KDM2A: variants seen among roughly 807,000 people sequenced by gnomAD.
KDM2A encodes lysine-specific demethylase 2A.
A neutral mutation model predicts 137.3 loss-of-function variants in KDM2A; 3 were observed. The observed-to-expected ratio is 0.02, with a 90% confidence interval of 0.01 to 0.06. The LOEUF (loss-of-function observed/expected upper bound fraction) is 0.06. KDM2A is among the 10% of genes least tolerant of loss of function. The pLI is 1.00. For synonymous variants in KDM2A, 512 were observed against 541.5 expected, an observed-to-expected ratio of 0.95 and a Z score of 0.76; for missense variants, 738 against 1,510.6, an observed-to-expected ratio of 0.49 and a Z score of 8.48.
intron 5 of KDM2A, among the ~76,000 whole-genome samples, chr11:67,204,772 T>C (rs1365659077): frequency 6.6e-6 from 1 of 152,186 alleles, no homozygotes; most frequent in Non-Finnish European, 1.5e-5. Context: ...ATTACAGGCG[T>C]GAGCCACCAA....
intron 5 of KDM2A, among the ~76,000 whole-genome samples, chr11:67,193,861 AATACATAC>A (rs759174639): frequency 6.6e-6 from 1 of 152,030 alleles, no homozygotes; most frequent in Non-Finnish European, 1.5e-5. Context: ...ACCCCATCTC[AATACATAC>A]ATACATACAT....
intron 11 of KDM2A, among the ~76,000 whole-genome samples, chr11:67,230,499 G>A (rs1409892696): frequency 6.6e-6 from 1 of 151,928 alleles, no homozygotes; most frequent in African/African-American, 2.4e-5. Flanking sequence ...TGGGGCACAT[G>A]CCTCTGGTCC....
At chr11:67,206,257 G>T (rs1205067549) in intron 5 of KDM2A, among the ~76,000 whole-genome samples, 1 of 152,056 alleles carries the variant, frequency 6.6e-6, no homozygotes, top group Non-Finnish European at 1.5e-5. Context: ...ATGGCAAAAC[G>T]CTGACTTTAC....
intron 5 of KDM2A, among the ~76,000 whole-genome samples, chr11:67,188,480 T>TC (rs1162329913): frequency 7.7e-6 from 1 of 130,302 alleles, no homozygotes. Context: ...AGACTCTGTC[T>TC]CAAAAAAAAA....
chr11:67,140,113 C>A (rs144907064), intron 2 of KDM2A, among the ~76,000 whole-genome samples: 108 of 152,208 alleles, frequency 7.1e-4, no homozygotes, highest in African/African-American at 2.4e-3. Flanking sequence ...ATAATCCCAA[C>A]ACTTTGGGAG....
At chr11:67,232,007 A>T (rs1407892392) in intron 12 of KDM2A, 47 bp downstream of exon 12, 1 of 1,529,648 alleles carries the variant, frequency 6.5e-7, no homozygotes, top group Admixed American at 2.0e-5. Context: ...CAGCTATGGC[A>T]GTCAGCTTCC....
At chr11:67,145,908 A>G (rs1358057696) in intron 2 of KDM2A, among the ~76,000 whole-genome samples, 1 of 143,978 alleles carries the variant, frequency 6.9e-6, no homozygotes. Flanking sequence ...CCTGCTTTTC[A>G]TGAACTGTAT....
In KDM2A at chr11:67,210,936, G is replaced by A. The variant is rs541506362; in HGVS notation, c.486+3248G>A. On this transcript the variant is annotated intron_variant, in intron 6 of 20. Transcript: ENST00000529006. ...GTGGGCGTATCACTTGAGCCCAAGAGTTCGAGACCACTCGGGAGGCTGAGG... is the reference window on the plus strand; with the variant it reads ...GTGGGCGTATCACTTGAGCCCAAGAATTCGAGACCACTCGGGAGGCTGAGG... Among the ~76,000 whole-genome samples, 3 of 152,264 alleles carry A rather than the reference G, an allele frequency of 2.0e-5. No homozygotes were observed. In the East Asian group the frequency reaches 5.8e-4, roughly 29 times the overall value.
Position 67,176,858 on chromosome 11 carries a change from C to T in KDM2A, c.43-3221C>T, listed in dbSNP as rs148580889. Among the ~76,000 whole-genome samples the T allele has an allele frequency of 7.8e-4, 118 of 152,228 alleles. 2 individuals are homozygous for T. The highest frequency in any genetic ancestry group is 2.8e-3 in the African/African-American group (115 of 41,542). On this transcript the variant is annotated intron_variant, in intron 2 of 20. Coordinates refer to ENST00000529006, the MANE Select transcript of KDM2A (RefSeq NM_012308.3). ...GGGTTTTGCAGGACTGAAAGTTGCTCTAAGTGAGTCAGTGAGTGAATAGTG... is the reference window on the plus strand; with the variant it reads ...GGGTTTTGCAGGACTGAAAGTTGCTTTAAGTGAGTCAGTGAGTGAATAGTG...
At chr11:67,164,424 C>T (rs750027796) in intron 2 of KDM2A, among the ~76,000 whole-genome samples, 8 of 152,112 alleles carry the variant, frequency 5.3e-5, no homozygotes, top group African/African-American at 9.7e-5. Context: ...TTTAGTTTCT[C>T]TGGTGGCTTG....
chr11:67,138,980 C>T (rs977333745), intron 2 of KDM2A, among the ~76,000 whole-genome samples: 2 of 152,174 alleles, frequency 1.3e-5, no homozygotes, highest in African/African-American at 2.4e-5. Context: ...TTCATATTTC[C>T]TGCCAGTTGA....
chr11:67,243,214 A>G (rs1490475014), intron 13 of KDM2A, 122 bp downstream of exon 13: 4 of 667,612 alleles, frequency 6.0e-6, no homozygotes, highest in East Asian at 5.6e-5. Flanking sequence ...ATACAAACTG[A>G]CAGAAAATCA....
At chr11:67,188,721 G>A (rs1857270728) in intron 5 of KDM2A, among the ~76,000 whole-genome samples, 1 of 149,052 alleles carries the variant, frequency 6.7e-6, no homozygotes, top group African/African-American at 2.5e-5. Context: ...AGCCTGGCAG[G>A]TCAAAGCTGC....
chr11:67,183,783 A>G (rs1857142514), intron 5 of KDM2A, among the ~76,000 whole-genome samples: 1 of 152,080 alleles, frequency 6.6e-6, no homozygotes, highest in Non-Finnish European at 1.5e-5. Flanking sequence ...GTGGTCACTG[A>G]GTGCTGCTTC....
At chr11:67,135,307 A>G in intron 2 of KDM2A, among the ~76,000 whole-genome samples, 1 of 152,050 alleles carries the variant, frequency 6.6e-6, no homozygotes, top group East Asian at 1.9e-4. Context: ...ACCTCGTTCC[A>G]CCTGCCTCGG....
At chr11:67,133,274 T>G (rs547766425) in intron 2 of KDM2A, among the ~76,000 whole-genome samples, 10 of 150,572 alleles carry the variant, frequency 6.6e-5, no homozygotes, top group South Asian at 4.2e-4. Context: ...TAATTTTGTG[T>G]TTTTTTTTGT....
chr11:67,173,015 G>C (rs1423268944), intron 2 of KDM2A, among the ~76,000 whole-genome samples: 1 of 151,978 alleles, frequency 6.6e-6, no homozygotes, highest in Non-Finnish European at 1.5e-5. Flanking sequence ...TTGAGACAAG[G>C]TCTCTCACCC....
At chr11:67,129,919 T>G (rs1590705178) in intron 2 of KDM2A, among the ~76,000 whole-genome samples, 2 of 149,836 alleles carry the variant, frequency 1.3e-5, no homozygotes, top group Non-Finnish European at 3.0e-5. Context: ...AAAAAAAAAT[T>G]AAAAAAATTA....
Position 67,191,687 on chromosome 11 carries a change from A to G in KDM2A, c.307+9795A>G, listed in dbSNP as rs1275298008. Reference sequence around the variant, plus strand: ...AACAAACTAGAAATAAAAGGAAACTACCTTAACATAATAAAAGCTTTATAT... The same window carrying G: ...AACAAACTAGAAATAAAAGGAAACTGCCTTAACATAATAAAAGCTTTATAT... On this transcript the variant is annotated intron_variant, in intron 5 of 20. Coordinates refer to ENST00000529006, the MANE Select transcript of KDM2A (RefSeq NM_012308.3). 3.3e-5 allele frequency among the ~76,000 whole-genome samples: 5 copies of G among 152,342 alleles called. No individual in the cohort carries two copies. The East Asian group carries it at 9.6e-4, about 29-fold the overall frequency.
Sources: allele counts gnomAD v4.1 joint callset (sites outside exome capture counted in the v4.1 genomes callset), GRCh38; gene constraint gnomAD v4.1.1; transcripts MANE v1.5; gene names NCBI Gene and HGNC (gene_info 2026-07-23, HGNC 2026-07-21).